The following ESRP1 variants were observed in gnomAD, a reference collection of about 807,000 sequenced individuals.
ESRP1 encodes the protein RNA-binding motif protein 35A.
Under a neutral mutation model 81.7 loss-of-function variants are expected in ESRP1, and 33 were observed. The observed-to-expected ratio is 0.40, with a 90% CI of 0.31 to 0.54. ESRP1 has a LOEUF of 0.54. ESRP1 is among the 20% of genes least tolerant of loss of function. ESRP1 has a pLI of 0.41. For synonymous variants in ESRP1, 320 were observed against 303.3 expected, an observed-to-expected ratio of 1.06 and a Z score of -0.57; for missense variants, 672 against 833.1, an observed-to-expected ratio of 0.81 and a Z score of 2.38.
chr8:94,655,065 TTGTG>T (rs1554575901), intron 4 of ESRP1, among the ~76,000 whole-genome samples: 3 of 147,634 alleles, frequency 2.0e-5, no homozygotes, highest in African/African-American at 4.9e-5. Context: ...TTTGGGTTTT[TTGTG>T]TGTGTGTGTG....
intron 13 of ESRP1, among the ~76,000 whole-genome samples, chr8:94,682,683 C>T (rs558807402): frequency 1.5e-4 from 16 of 109,738 alleles, no homozygotes; most frequent in African/African-American, 3.3e-4. Context: ...CAACATTTTG[C>T]GCCAACAAAG....
chr8:94,678,197 A>G lies in ESRP1; in HGVS notation c.1652-6A>G, dbSNP rs1299926807. 6.2e-7 allele frequency: 1 copy of G among 1,613,714 alleles called. No individual in the cohort carries two copies. The highest frequency in any genetic ancestry group is 1.7e-5 in the Admixed American group (1 of 59,984). On this transcript the variant is annotated splice_polypyrimidine_tract_variant and splice_region_variant and intron_variant, in intron 12 of 15. Transcript: ENST00000433389. ...TGTCTCAAAGAATCTCTCTTTGCAT[A>G]TCTAGGCCTGTCTCCTCCCTCCTAC...
chr8:94,645,017 CT>C (rs946425683), intron 3 of ESRP1, among the ~76,000 whole-genome samples: 1 of 152,108 alleles, frequency 6.6e-6, no homozygotes, highest in Non-Finnish European at 1.5e-5. Context: ...AAATAAAATA[CT>C]CAGTATTTTA....
At chr8:94,705,025 T>A (rs956361189) in intron 15 of ESRP1, among the ~76,000 whole-genome samples, 7 of 152,004 alleles carry the variant, frequency 4.6e-5, no homozygotes, top group African/African-American at 1.4e-4. Flanking sequence ...AAAATGGGGA[T>A]AACAAGGTAA....
chr8:94,662,441 C>T (rs1286533555), intron 5 of ESRP1, 60 bp from the exon 6 acceptor site: 3 of 1,551,914 alleles, frequency 1.9e-6, no homozygotes, highest in East Asian at 2.3e-5. Context: ...ACTCAAATTT[C>T]CTCCTACAAC....
At chr8:94,642,187 G>A in intron 2 of ESRP1, 103 bp downstream of exon 2, 2 of 1,421,406 alleles carry the variant, frequency 1.4e-6, no homozygotes, top group African/African-American at 1.4e-5. Context: ...GCAGGGTGGC[G>A]AGACGCCTGC....
In ESRP1 at chr8:94,662,279, T is replaced by A; in HGVS notation, c.498T>A (p.Asn166Lys). 1 of 1,560,354 alleles carries A rather than the reference T, an allele frequency of 6.4e-7. No individual in the cohort carries two copies. The highest frequency in any genetic ancestry group is 8.7e-7 in the Non-Finnish European group (1 of 1,150,556). Reference protein sequence around the residue: ...LDVATMTEYLNFEKSSSVSRY... With the variant: ...LDVATMTEYLKFEKSSSVSRY... ...CTTAATTTAATCTCACAGATTTAAA[T>A]TTTGAGAAGAGTAGTTCAGTCTCTC... is the stretch of plus-strand genomic sequence containing the variant. Residue 166 changes from asparagine to lysine, a missense_variant, in exon 5 of 16, where the codon AAT becomes AAA. By Grantham distance (94) the Asn-to-Lys change is moderately conservative. Coordinates refer to ENST00000433389, the MANE Select transcript of ESRP1 (RefSeq NM_017697.4).
At chr8:94,670,068 G>A (rs10112364) in intron 10 of ESRP1, among the ~76,000 whole-genome samples, 98,992 of 151,804 alleles carry the variant, frequency 0.65, 33,448 homozygotes, top group East Asian at 0.8. Flanking sequence ...AGCTACTGCA[G>A]AGCCTGGGCT....
chr8:94,700,442 G>C (rs1286253600), intron 15 of ESRP1, among the ~76,000 whole-genome samples: 1 of 152,216 alleles, frequency 6.6e-6, no homozygotes, highest in Non-Finnish European at 1.5e-5. Context: ...CACAGCCCAG[G>C]AGTGTTCCCA....
In ESRP1 at chr8:94,682,906, A is replaced by T. The variant is rs11988560; in HGVS notation, c.1820+4535A>T. Among the ~76,000 whole-genome samples, 121 of 16,098 alleles carry T rather than the reference A, an allele frequency of 7.5e-3. 3 individuals are homozygous for T. Among genetic ancestry groups the T allele is most frequent in the East Asian group, 0.064 (60 of 936 alleles). 10.6% of individuals were successfully genotyped at this position (16,098 alleles called of 152,430 possible). ...CATTATTCAATATATTCATTATTTTATATATATATATATATATATATATAT... is the reference window on the plus strand; with the variant it reads ...CATTATTCAATATATTCATTATTTTTTATATATATATATATATATATATAT... On this transcript the variant is annotated intron_variant, in intron 13 of 15. Transcript: ENST00000433389.
intron 10 of ESRP1, among the ~76,000 whole-genome samples, chr8:94,670,861 T>C (rs1384025083): frequency 6.6e-6 from 1 of 152,242 alleles, no homozygotes; most frequent in Non-Finnish European, 1.5e-5. Flanking sequence ...CAAATGATTC[T>C]TTTCAGGTCT....
In ESRP1 at chr8:94,664,715, T is replaced by G; in HGVS notation, c.663T>G (p.Ile221Met). 3 of 1,613,830 alleles carry G rather than the reference T, an allele frequency of 1.9e-6. No individual in the cohort carries two copies. Among genetic ancestry groups the G allele is most frequent in the Non-Finnish European group, 2.5e-6 (3 of 1,179,768 alleles). ...ESGTCSKMEL[I>M]DDNTVVRARG... ...TCCACAGCAGCAAGATGGAACTTAT[T>G]GATGATAACACCGTAGTCAGGGCAC... The change falls in exon 7 of 16, where the codon ATT becomes ATG. Residue 221 changes from isoleucine to methionine, a missense_variant. Coordinates refer to ENST00000433389, the MANE Select transcript of ESRP1 (RefSeq NM_017697.4).
chr8:94,694,290 A>T lies in ESRP1; in HGVS notation c.1971+1463A>T, dbSNP rs930692284. Reference sequence around the variant, plus strand: ...GCCTTACATATAAATTAGTAATGAGATTAAGCAAAATTGCTCTTTATTATT... The same window carrying T: ...GCCTTACATATAAATTAGTAATGAGTTTAAGCAAAATTGCTCTTTATTATT... On this transcript the variant is annotated intron_variant, in intron 14 of 15. Transcript: ENST00000433389. Among the ~76,000 whole-genome samples the T allele has an allele frequency of 3.3e-5, 5 of 152,172 alleles. No homozygotes were observed. The East Asian group carries it at 9.6e-4, about 29-fold the overall frequency.
intron 4 of ESRP1, among the ~76,000 whole-genome samples, chr8:94,649,925 C>T (rs541988964): frequency 6.6e-6 from 1 of 152,278 alleles, no homozygotes; most frequent in African/African-American, 2.4e-5. Flanking sequence ...CTCACTCCCC[C>T]ACTGTCTACA....
intron 13 of ESRP1, among the ~76,000 whole-genome samples, chr8:94,690,276 ATTTTTTTTT>A (rs373440584): frequency 0.011 from 697 of 61,366 alleles, 10 homozygotes; most frequent in African/African-American, 0.043. Flanking sequence ...TGCCTGGCTA[ATTTTTTTTT>A]TTTTTTTTTT....
At chr8:94,694,710 T>C (rs779527250) in intron 14 of ESRP1, among the ~76,000 whole-genome samples, 39 of 152,272 alleles carry the variant, frequency 2.6e-4, no homozygotes, top group Middle Eastern at 3.2e-3. Flanking sequence ...CTTCAAAATT[T>C]AGATAACATA....
chr8:94,653,084 A>G (rs189576999), intron 4 of ESRP1, among the ~76,000 whole-genome samples: 2 of 152,252 alleles, frequency 1.3e-5, no homozygotes, highest in East Asian at 1.9e-4. Context: ...TTGCATTTGT[A>G]TGTGCTGTTT....
chr8:94,690,548 T>C (rs1053552841), intron 13 of ESRP1, among the ~76,000 whole-genome samples: 2 of 152,086 alleles, frequency 1.3e-5, no homozygotes, highest in South Asian at 2.1e-4. Flanking sequence ...CTGTGAAAAA[T>C]AAGGATAAGA....
At chr8:94,689,710 C>T (rs755639112) in intron 13 of ESRP1, among the ~76,000 whole-genome samples, 7 of 150,452 alleles carry the variant, frequency 4.7e-5, no homozygotes, top group African/African-American at 7.3e-5. Flanking sequence ...GGAGTGCAGC[C>T]GATCTTGGCC....
Sources: allele counts gnomAD v4.1 joint callset (sites outside exome capture counted in the v4.1 genomes callset), GRCh38; gene constraint gnomAD v4.1.1; transcripts MANE v1.5; gene names NCBI Gene and HGNC (gene_info 2026-07-23, HGNC 2026-07-21).